Variants in GALNT13 observed in about 807,000 individuals in gnomAD.
GALNT13 encodes the protein UDP-GalNAc:polypeptide N-acetylgalactosaminyltransferase 13.
In GALNT13, 28 loss-of-function variants were observed where a neutral mutation model predicts 64.2. That is an observed-to-expected ratio of 0.44 (90% CI 0.32 to 0.60). GALNT13 has a LOEUF of 0.60. Among genes scored for constraint, GALNT13 ranks in the 20% least tolerant of loss-of-function variants. GALNT13 has a pLI of 0.05. For synonymous variants in GALNT13, 214 were observed against 224.6 expected (o/e 0.95, Z 0.42); for missense variants, 577 against 669.8 (o/e 0.86, Z 1.53).
At chr2:153,545,546 G>T in the GALNT13 span, among the ~76,000 whole-genome samples, 1 of 152,184 alleles carries the variant, frequency 6.6e-6, no homozygotes. Context: ...TGCTTCTACA[G>T]AAGGGATGTG....
At chr2:153,151,527 A>G in the GALNT13 span, among the ~76,000 whole-genome samples, 1 of 152,158 alleles carries the variant, frequency 6.6e-6, no homozygotes, top group Non-Finnish European at 1.5e-5. Context: ...AGACACATGC[A>G]CATGTATGTT....
At chr2:154,269,296 G>A (rs1196690315) in intron 8 of GALNT13, among the ~76,000 whole-genome samples, 9 of 152,010 alleles carry the variant, frequency 5.9e-5, no homozygotes, top group Non-Finnish European at 7.4e-5. Flanking sequence ...AACATCAGCC[G>A]TAATAATTTA....
At chr2:153,249,300 C>T in the GALNT13 span, among the ~76,000 whole-genome samples, 2 of 151,908 alleles carry the variant, frequency 1.3e-5, no homozygotes, top group South Asian at 2.1e-4. Flanking sequence ...AATAAAATAC[C>T]AAGGAATACA....
At position 154,050,560 on chromosome 2, in the gene GALNT13, A is replaced by C. The variant is rs191380575; in HGVS notation, c.143-89777A>C. Among the ~76,000 whole-genome samples the C allele has an allele frequency of 2.6e-5, 4 of 152,252 alleles. No homozygotes were observed. In the East Asian group the frequency reaches 5.8e-4, roughly 22 times the overall value. On this transcript the variant is annotated intron_variant, in intron 3 of 12. Transcript: ENST00000392825. Reference sequence around the variant, plus strand: ...CACTCTTCACTTTTTTTTTCTTTTAACAAGGCTTTGAGGATCTCTTCTTCT... The same window carrying C: ...CACTCTTCACTTTTTTTTTCTTTTACCAAGGCTTTGAGGATCTCTTCTTCT...
intron 8 of GALNT13, among the ~76,000 whole-genome samples, chr2:154,264,970 T>TAA (rs147717890): frequency 6.7e-6 from 1 of 148,770 alleles, no homozygotes; most frequent in Middle Eastern, 3.5e-3. Flanking sequence ...ACCTATATGA[T>TAA]AAAAAAAAAT....
At chr2:153,084,378 G>A in the GALNT13 span, among the ~76,000 whole-genome samples, 3 of 152,176 alleles carry the variant, frequency 2.0e-5, no homozygotes, top group African/African-American at 7.2e-5. Context: ...AGTATGGAAT[G>A]TGTTTCCATT....
At chr2:153,403,883 C>T in the GALNT13 span, among the ~76,000 whole-genome samples, 6 of 152,322 alleles carry the variant, frequency 3.9e-5, no homozygotes, top group Admixed American at 2.0e-4. Context: ...AGAAATCACC[C>T]GTCTTCTGCG....
rs186772518 is a variant in GALNT13 at position 153,904,411 on chromosome 2, T to C, written c.-105+3404T>C. ...CTTTAGTAGATACTACCAGACAGTA[T>C]TCCAAAGTAACTATACTAATTTCAC... On this transcript the variant is annotated intron_variant, in intron 2 of 12. Transcript: ENST00000392825. Among the ~76,000 whole-genome samples the C allele has an allele frequency of 1.1e-4, 17 of 152,102 alleles. 1 individual carries two copies. The East Asian group carries it at 2.1e-3, about 19-fold the overall frequency.
the GALNT13 span, among the ~76,000 whole-genome samples, chr2:153,313,453 A>T: frequency 6.6e-6 from 1 of 152,128 alleles, no homozygotes; most frequent in Non-Finnish European, 1.5e-5. Context: ...AGGAACAGAA[A>T]ACCAGTACCA....
chr2:153,572,498 G>C, the GALNT13 span, among the ~76,000 whole-genome samples: 1 of 151,206 alleles, frequency 6.6e-6, no homozygotes, highest in African/African-American at 2.4e-5. Flanking sequence ...GATTTGGTTT[G>C]CTCTCTTTTT....
At chr2:154,335,756 T>G (rs2105208140) in intron 9 of GALNT13, among the ~76,000 whole-genome samples, 1 of 152,192 alleles carries the variant, frequency 6.6e-6, no homozygotes, top group South Asian at 2.1e-4. Flanking sequence ...CTCGGTTATG[T>G]AAATCTGTTA....
chr2:154,017,369 A>C (rs1385212974), intron 3 of GALNT13, among the ~76,000 whole-genome samples: 1 of 152,168 alleles, frequency 6.6e-6, no homozygotes, highest in Admixed American at 6.5e-5. Context: ...TTGGAGCCAT[A>C]ATGTCCTCAT....
At chr2:153,924,262 CTA>C (rs1334606333) in intron 2 of GALNT13, among the ~76,000 whole-genome samples, 1 of 147,238 alleles carries the variant, frequency 6.8e-6, no homozygotes, top group Non-Finnish European at 1.5e-5. Context: ...CCCCATGTGT[CTA>C]TGTGTTCTCA....
At chr2:153,101,356 T>G in the GALNT13 span, among the ~76,000 whole-genome samples, 6 of 147,246 alleles carry the variant, frequency 4.1e-5, no homozygotes, top group African/African-American at 1.5e-4. Flanking sequence ...ACCCATTGGG[T>G]CAGAGATTGC....
chr2:153,884,805 ATGTGTGTG>A (rs1365077072), intron 1 of GALNT13, among the ~76,000 whole-genome samples: 2 of 133,640 alleles, frequency 1.5e-5, no homozygotes, highest in African/African-American at 6.0e-5. Context: ...ATATATATAT[ATGTGTGTG>A]TGTGTGTATA....
the GALNT13 span, among the ~76,000 whole-genome samples, chr2:153,122,794 C>G: frequency 7.9e-5 from 12 of 152,028 alleles, no homozygotes; most frequent in African/African-American, 2.9e-4. Context: ...TACCAAGCAC[C>G]CTGTTGTGTG....
intron 4 of GALNT13, among the ~76,000 whole-genome samples, chr2:154,235,230 A>T (rs2105855011): frequency 6.6e-6 from 1 of 152,324 alleles, no homozygotes; most frequent in Admixed American, 6.5e-5. Context: ...ATCTCCCTGG[A>T]TTTTAAAATA....
At chr2:153,541,562 C>G in the GALNT13 span, among the ~76,000 whole-genome samples, 1 of 152,196 alleles carries the variant, frequency 6.6e-6, no homozygotes, top group Admixed American at 6.5e-5. Flanking sequence ...AATTATTACT[C>G]TAACCTTCTC....
intron 2 of GALNT13, among the ~76,000 whole-genome samples, chr2:153,912,001 C>G (rs1252283234): frequency 6.6e-6 from 1 of 152,050 alleles, no homozygotes; most frequent in Non-Finnish European, 1.5e-5. Context: ...ATCATGCTTC[C>G]CAAGTTGCTT....
Sources: gnomAD v4.1 joint callset for allele counts (sites outside exome capture counted in the v4.1 genomes callset) on GRCh38, gnomAD v4.1.1 for gene constraint, MANE v1.5 for transcripts, NCBI Gene and HGNC (gene_info 2026-07-23, HGNC 2026-07-21) for gene names.